PTPN4: variants seen among roughly 807,000 people sequenced by gnomAD.
The protein encoded by PTPN4 is protein tyrosine phosphatase non-receptor type 4, also known as tyrosine-protein phosphatase non-receptor type 4.
In PTPN4, 49 loss-of-function variants were observed where a neutral mutation model predicts 135.5. The ratio of observed to expected loss-of-function variants is 0.36; its 90% confidence interval spans 0.29 to 0.46. The LOEUF (loss-of-function observed/expected upper bound fraction) is 0.46, where lower values mean the gene tolerates loss of function less well. Ranked by LOEUF, PTPN4 falls within the 20% of genes least tolerant of loss-of-function variation. The pLI is 1.00. For synonymous variants in PTPN4, 333 were observed against 369.9 expected, an observed-to-expected ratio of 0.90 and a Z score of 1.14; for missense variants, 860 against 1,101.0, an observed-to-expected ratio of 0.78 and a Z score of 3.10.
intron 20 of PTPN4, among the ~76,000 whole-genome samples, chr2:119,956,514 T>C (rs926270532): frequency 3.9e-5 from 6 of 152,236 alleles, no homozygotes; most frequent in Non-Finnish European, 8.8e-5. Context: ...TCTTAGTTCA[T>C]AGACTGTAAA....
chr2:119,922,262 C>T (rs1678748697), intron 12 of PTPN4, among the ~76,000 whole-genome samples: 1 of 146,330 alleles, frequency 6.8e-6, no homozygotes, highest in Non-Finnish European at 1.5e-5. Context: ...AAGGGAGCAA[C>T]ACCTGCCATT....
intron 8 of PTPN4, among the ~76,000 whole-genome samples, 188 bp from the exon 9 acceptor site, chr2:119,885,607 C>G (rs1369968297): frequency 6.6e-6 from 1 of 152,120 alleles, no homozygotes; most frequent in Non-Finnish European, 1.5e-5. Flanking sequence ...AGACAGTATT[C>G]TGGAAAATAA....
intron 12 of PTPN4, among the ~76,000 whole-genome samples, chr2:119,925,170 T>TTTG (rs1678803085): frequency 1.3e-5 from 2 of 152,206 alleles, no homozygotes; most frequent in African/African-American, 4.8e-5. Context: ...TCTTTCTCAC[T>TTTG]ATACCCTATC....
In PTPN4 at chr2:119,934,812, A is replaced by T. The variant is rs370709036; in HGVS notation, c.1209A>T (p.Thr403=). 1.5e-5 allele frequency: 25 copies of T among 1,613,786 alleles called. No homozygotes were observed. The highest frequency in any genetic ancestry group is 2.1e-5 in the Non-Finnish European group (25 of 1,179,860). ...CCTCTTTATTTAGTCGAAATTCTAC[A>T]TTCACGCAGGAAGGAACCCGGTTAC... ...PPGTPNHRNS[T]FTQEGTRLRP... The change falls in exon 15 of 27, where the codon ACA becomes ACT. Residue 403 remains threonine (T), a synonymous_variant. Transcript: ENST00000263708.
At chr2:119,836,382 A>G (rs1416364480) in intron 2 of PTPN4, among the ~76,000 whole-genome samples, 1 of 152,228 alleles carries the variant, frequency 6.6e-6, no homozygotes. Context: ...GGTTGATGAA[A>G]CTGGCCTGTG....
intron 1 of PTPN4, among the ~76,000 whole-genome samples, chr2:119,790,701 ACCAGCAC>A (rs1325298122): frequency 2.0e-5 from 3 of 151,974 alleles, no homozygotes; most frequent in Admixed American, 1.3e-4. Context: ...TTACTGACAA[ACCAGCAC>A]CATTTTGCAA....
chr2:119,849,454 A>G (rs1038577146), intron 2 of PTPN4, among the ~76,000 whole-genome samples: 1 of 151,964 alleles, frequency 6.6e-6, no homozygotes, highest in Non-Finnish European at 1.5e-5. Context: ...GCACACAGAA[A>G]CACATCTGGC....
At chr2:119,905,614 A>G (rs1216673411) in intron 10 of PTPN4, among the ~76,000 whole-genome samples, 1 of 152,256 alleles carries the variant, frequency 6.6e-6, no homozygotes, top group Non-Finnish European at 1.5e-5. Context: ...GACCAAAGGA[A>G]CCTAATAAAC....
intron 7 of PTPN4, 117 bp downstream of exon 7, chr2:119,882,266 C>A: frequency 8.8e-7 from 1 of 1,130,270 alleles, no homozygotes; most frequent in Non-Finnish European, 1.3e-6. Flanking sequence ...ATAGTGACTG[C>A]AGTGGAAATG....
chr2:119,935,508 G>C (rs1678969323), intron 15 of PTPN4, among the ~76,000 whole-genome samples: 1 of 152,140 alleles, frequency 6.6e-6, no homozygotes, highest in African/African-American at 2.4e-5. Context: ...GTTTGTCCCT[G>C]GGTAGGGTAA....
intron 3 of PTPN4, among the ~76,000 whole-genome samples, chr2:119,874,920 C>T (rs954099143): frequency 1.3e-5 from 2 of 152,098 alleles, no homozygotes; most frequent in African/African-American, 4.8e-5. Flanking sequence ...GTTCTTCTCA[C>T]GTGTGTGTCA....
intron 2 of PTPN4, among the ~76,000 whole-genome samples, chr2:119,852,583 C>G (rs1471750112): frequency 6.6e-6 from 1 of 152,130 alleles, no homozygotes; most frequent in African/African-American, 2.4e-5. Context: ...TTTCATTGAT[C>G]TTTTCAAATT....
rs537242614 is a variant in PTPN4, at chr2:119,770,517, T to C, written c.-18+10133T>C. On this transcript the variant is annotated intron_variant, in intron 1 of 26. Transcript: ENST00000263708. ...TTTATTTTTTGTATATTCTATGGTA[T>C]TTATGCAAATAGAAACACATATAAA... Among the ~76,000 whole-genome samples the C allele has an allele frequency of 1.5e-4, 23 of 152,338 alleles. No homozygotes were observed. In the South Asian group the frequency reaches 4.6e-3, roughly 30 times the overall value.
At chr2:119,903,583 A>ACC (rs1553464044) in intron 10 of PTPN4, among the ~76,000 whole-genome samples, 2 of 147,386 alleles carry the variant, frequency 1.4e-5, no homozygotes, top group South Asian at 2.1e-4. Flanking sequence ...ACACACACAC[A>ACC]CCTTTCAGGG....
In PTPN4 at chr2:119,981,865, T is replaced by C. The variant is rs575547694; in HGVS notation, c.*4795T>C. The C allele has an allele frequency of 1.5e-4, 23 of 152,296 alleles. No homozygotes were observed. Among genetic ancestry groups the C allele is most frequent in the African/African-American group, 5.0e-4 (21 of 41,586 alleles). The allele number at this position is 152,296 out of a possible 1,614,324, so 9.4% of individuals were successfully genotyped here. ...TTCTGTTTGCATATAAATTTGCTGC[T>C]ATTTATTTGTATGTTTTTCTACTGT... On this transcript the variant is annotated 3_prime_UTR_variant, in exon 27 of 27. Coordinates refer to ENST00000263708, the MANE Select transcript of PTPN4 (RefSeq NM_002830.4).
chr2:119,793,554 A>G (rs1465513539), intron 1 of PTPN4, among the ~76,000 whole-genome samples: 1 of 152,256 alleles, frequency 6.6e-6, no homozygotes, highest in East Asian at 1.9e-4. Context: ...AAGTAAAGAC[A>G]GACATAGGAA....
chr2:119,939,799 A>G (rs1216120751), intron 15 of PTPN4, among the ~76,000 whole-genome samples: 3 of 152,098 alleles, frequency 2.0e-5, no homozygotes, highest in Admixed American at 6.5e-5. Context: ...GTTGTCCCCA[A>G]TTCCTATTCC....
At position 119,760,061 on chromosome 2, in the gene PTPN4, C is replaced by T. The variant is rs1246679878; in HGVS notation, c.-341C>T. On this transcript the variant is annotated 5_prime_UTR_variant, in exon 1 of 27. Transcript: ENST00000263708. ...GGAGAGGAAAGAGACTTGGCTTTGG[C>T]CGCGGGGTCGGAGGATTGGGGCCAG... 2.6e-6 allele frequency: 1 copy of T among 383,636 alleles called. No homozygotes were observed. Among genetic ancestry groups the T allele is most frequent in the Non-Finnish European group, 4.6e-6 (1 of 216,894 alleles). The allele number at this position is 383,636 out of a possible 1,614,324, so 23.8% of individuals were successfully genotyped here.
chr2:119,779,722 A>G (rs1316512562), intron 1 of PTPN4, among the ~76,000 whole-genome samples: 1 of 152,048 alleles, frequency 6.6e-6, no homozygotes, highest in Non-Finnish European at 1.5e-5. Flanking sequence ...TTTGTTAAGT[A>G]TAAAAGCAGA....
Sources: gnomAD v4.1 joint callset for allele counts (sites outside exome capture counted in the v4.1 genomes callset) on GRCh38, gnomAD v4.1.1 for gene constraint, MANE v1.5 for transcripts, NCBI Gene and HGNC (gene_info 2026-07-23, HGNC 2026-07-21) for gene names.